Variants in ENPEP observed in about 807,000 individuals in gnomAD.
ENPEP encodes the protein AP-A.
In ENPEP, 103 loss-of-function variants were observed where a neutral mutation model predicts 114.5. The ratio of observed to expected loss-of-function variants is 0.90; its 90% CI spans 0.77 to 1.06. The LOEUF (loss-of-function observed/expected upper bound fraction) is 1.06. Among genes scored for constraint, ENPEP ranks in the 50% least tolerant of loss-of-function variants. ENPEP has a pLI of 0.00. For synonymous variants in ENPEP, 420 were observed against 422.0 expected (o/e 1.00, Z 0.06); for missense variants, 1,196 against 1,161.3 (o/e 1.03, Z -0.43).
Position 110,542,787 on chromosome 4 carries a change from C to G in ENPEP, c.1844C>G (p.Ala615Gly), listed in dbSNP as rs1560568095. 1 of 1,612,938 alleles carries G rather than the reference C, an allele frequency of 6.2e-7. No individual in the cohort carries two copies. The highest frequency in any genetic ancestry group is 8.5e-7 in the Non-Finnish European group (1 of 1,179,246). ...TLNSSNPSGN[A>G]FLKINPDHIG... is the part of the protein sequence containing the mutation. ...AACTCCTCTAATCCTAGTGGAAATG[C>G]TTTTCTCAAAATAAACCCAGATCAT... The change falls in exon 12 of 20, where the codon GCT (alanine) becomes GGT (glycine). Residue 615 changes from alanine to glycine, a missense_variant. Transcript: ENST00000265162.
intron 1 of ENPEP, among the ~76,000 whole-genome samples, chr4:110,479,813 A>G (rs140379600): frequency 0.014 from 2,161 of 152,250 alleles, 40 homozygotes; most frequent in African/African-American, 0.05. Flanking sequence ...TTTTATCTGA[A>G]TAAAACCATC....
rs1241403560 is a variant in ENPEP, at chr4:110,553,420, T to C, written c.2607T>C (p.Asn869=). 1 of 1,611,146 alleles carries C rather than the reference T, an allele frequency of 6.2e-7. No individual in the cohort carries two copies. The highest frequency in any genetic ancestry group is 1.7e-5 in the Admixed American group (1 of 59,946). ...YNSYGKNMAW[N]WIQLNWDYLV... ...GCTATGGGAAGAACATGGCCTGGAA[T>C]TGGATACAACTCAACTGGGACTATC... The change falls in exon 18 of 20, where the codon AAT becomes AAC. Residue 869 remains asparagine, a synonymous_variant. Transcript: ENST00000265162.
chr4:110,548,635 C>A (rs1183378819), intron 14 of ENPEP, among the ~76,000 whole-genome samples: 3 of 151,988 alleles, frequency 2.0e-5, no homozygotes, highest in African/African-American at 7.2e-5. Flanking sequence ...CTAATTAGAT[C>A]TTTTTTAAAA....
At chr4:110,527,393 C>A (rs933671886) in intron 10 of ENPEP, among the ~76,000 whole-genome samples, 4 of 152,120 alleles carry the variant, frequency 2.6e-5, no homozygotes, top group African/African-American at 9.7e-5. Flanking sequence ...CAATAGGTCA[C>A]ACCACAACAA....
At position 110,488,685 on chromosome 4, in the gene ENPEP, A is replaced by G. The variant is rs771860674; in HGVS notation, c.786+3A>G. ...CACTTTCAAATATGCCAGTGGCGGT[A>G]AGTATTTTTTAAATGTTTTGTTTAT... On this transcript the variant is annotated splice_donor_region_variant and intron_variant, in intron 2 of 19. Transcript: ENST00000265162. The G allele has an allele frequency of 5.0e-6, 8 of 1,606,150 alleles. No homozygotes were observed. In the East Asian group the frequency reaches 1.8e-4, roughly 36 times the overall value.
chr4:110,519,913 A>G (rs1725918718), intron 8 of ENPEP, 95 bp from the exon 9 acceptor site: 1 of 1,071,514 alleles, frequency 9.3e-7, no homozygotes, highest in Non-Finnish European at 1.4e-6. Context: ...TGCGCAATGG[A>G]GGTAGAATTG....
chr4:110,477,240 C>T (rs1231846216), intron 1 of ENPEP, among the ~76,000 whole-genome samples, 182 bp downstream of exon 1: 1 of 152,138 alleles, frequency 6.6e-6, no homozygotes, highest in East Asian at 1.9e-4. Context: ...TTTCCAAACC[C>T]TGTCATAAAA....
At chr4:110,520,128 A>C (rs1725929366) in intron 9 of ENPEP, 55 bp downstream of exon 9, 1 of 1,595,948 alleles carries the variant, frequency 6.3e-7, no homozygotes, top group South Asian at 1.1e-5. Flanking sequence ...CAAATGGCTT[A>C]CCAATCATTT....
At position 110,548,084 on chromosome 4, in the gene ENPEP, G is replaced by A. The variant is rs141051077; in HGVS notation, c.2001-92G>A. The stretch of plus-strand genomic sequence containing the variant: ...CTCATTAACATGGAATGCTTTGATC[G>A]CCAAAACTTTCAGTTAAATGGAAAC... On this transcript the variant is annotated intron_variant, in intron 13 of 19. Coordinates refer to ENST00000265162, the MANE Select transcript of ENPEP (RefSeq NM_001977.4). The A allele has an allele frequency of 8.1e-5, 106 of 1,305,276 alleles. No homozygotes were observed. In the African/African-American group the frequency reaches 1.4e-3, roughly 17 times the overall value. 80.9% of individuals were successfully genotyped at this position (1,305,276 alleles called of 1,614,324 possible). A position where few individuals can be genotyped will look rare whatever the true frequency, so the allele number is the denominator to read the frequency against.
intron 18 of ENPEP, 41 bp from the exon 19 acceptor site, chr4:110,559,606 C>T (rs539670814): frequency 1.5e-6 from 2 of 1,337,344 alleles, no homozygotes; most frequent in Admixed American, 3.6e-5. Context: ...ATGTAACATT[C>T]TGAGCACTTA....
chr4:110,559,576 C>A, intron 18 of ENPEP, 71 bp from the exon 19 acceptor site: 1 of 1,080,702 alleles, frequency 9.3e-7, no homozygotes, highest in Non-Finnish European at 1.4e-6. Flanking sequence ...AAAAAGGAAA[C>A]ATCTGCATTT....
chr4:110,500,603 C>T (rs761352160), intron 3 of ENPEP, among the ~76,000 whole-genome samples: 12 of 151,814 alleles, frequency 7.9e-5, no homozygotes, highest in South Asian at 2.1e-4. Flanking sequence ...TATATTTAAA[C>T]GTTAATAGGG....
intron 2 of ENPEP, 122 bp from the exon 3 acceptor site, chr4:110,490,911 C>G (rs1724682992): frequency 9.3e-7 from 1 of 1,069,856 alleles, no homozygotes; most frequent in Admixed American, 2.6e-5. Context: ...AATTTGACCT[C>G]TAAGCTTTGA....
At chr4:110,546,501 G>T in intron 13 of ENPEP, among the ~76,000 whole-genome samples, 1 of 151,878 alleles carries the variant, frequency 6.6e-6, no homozygotes, top group Non-Finnish European at 1.5e-5. Flanking sequence ...GGTAAGGGAC[G>T]AATGGCAAAG....
At chr4:110,498,460 A>AAT (rs908484541) in intron 3 of ENPEP, among the ~76,000 whole-genome samples, 13 of 152,100 alleles carry the variant, frequency 8.5e-5, no homozygotes, top group African/African-American at 2.9e-4. Context: ...ATCATCTATA[A>AAT]ATATATATAT....
At chr4:110,499,158 T>C (rs1725058591) in intron 3 of ENPEP, among the ~76,000 whole-genome samples, 1 of 152,204 alleles carries the variant, frequency 6.6e-6, no homozygotes, top group Non-Finnish European at 1.5e-5. Flanking sequence ...CAATCACATA[T>C]AAGGAAGTAC....
chr4:110,491,870 G>A (rs1225797394), intron 3 of ENPEP, among the ~76,000 whole-genome samples: 4 of 151,596 alleles, frequency 2.6e-5, no homozygotes, highest in African/African-American at 9.7e-5. Flanking sequence ...ACAGGCACCC[G>A]CCACCACGCC....
chr4:110,560,677 G>A (rs1727647380), intron 19 of ENPEP, among the ~76,000 whole-genome samples: 1 of 152,158 alleles, frequency 6.6e-6, no homozygotes, highest in African/African-American at 2.4e-5. Flanking sequence ...TCTGGAACAA[G>A]TTGGTCAAGA....
At chr4:110,508,635 C>A (rs1725461005) in intron 4 of ENPEP, among the ~76,000 whole-genome samples, 5 of 152,190 alleles carry the variant, frequency 3.3e-5, no homozygotes, top group Non-Finnish European at 7.4e-5. Flanking sequence ...CACGGTGAAT[C>A]CCCGTCTCTA....
Sources: gnomAD v4.1 joint callset for allele counts (sites outside exome capture counted in the v4.1 genomes callset) on GRCh38, gnomAD v4.1.1 for gene constraint, MANE v1.5 for transcripts, NCBI Gene and HGNC (gene_info 2026-07-23, HGNC 2026-07-21) for gene names.